Variants in ZSWIM6 observed in about 807,000 individuals in gnomAD.
The protein encoded by ZSWIM6 is zinc finger SWIM-type containing 6, also known as zinc finger SWIM domain-containing protein 6.
A neutral mutation model predicts 113.2 loss-of-function variants in ZSWIM6; 9 were observed. That is an observed-to-expected ratio of 0.08 (90% CI 0.05 to 0.14). The LOEUF (loss-of-function observed/expected upper bound fraction) is 0.14. Ranked by LOEUF, ZSWIM6 falls within the 10% of genes least tolerant of loss-of-function variation. The pLI is 1.00. For synonymous variants in ZSWIM6, 611 were observed against 606.5 expected (o/e 1.01, Z -0.11); for missense variants, 1,162 against 1,552.2 (o/e 0.75, Z 4.22).
rs1389523495 is a variant in ZSWIM6 at position 61,541,918 on chromosome 5, G to A, written c.2738G>A (p.Arg913Gln). ...MRMTLSTLNWRRREMVRWLVT... is the reference protein window; with the variant it reads ...MRMTLSTLNWQRREMVRWLVT... The stretch of plus-strand genomic sequence containing the variant: ...ATGACACTGTCAACCTTAAATTGGC[G>A]ACGGCGGGAGATGGTGAGGTGGCTG... Residue 913 changes from arginine to glutamine, a missense_variant, in exon 13 of 14, where the codon CGA (arginine) becomes CAA (glutamine). Physicochemically the swap from Arg to Gln is conservative, Grantham distance 43. Coordinates refer to ENST00000252744, the MANE Select transcript of ZSWIM6 (RefSeq NM_020928.2). The A allele has an allele frequency of 3.5e-5, 55 of 1,551,086 alleles. No individual in the cohort carries two copies. The highest frequency in any genetic ancestry group is 4.5e-5 in the Non-Finnish European group (52 of 1,146,302).
rs1363940041 is a variant in ZSWIM6 at position 61,543,974 on chromosome 5, C to T, written c.3305C>T (p.Thr1102Met). 15 of 1,551,702 alleles carry T rather than the reference C, an allele frequency of 9.7e-6. 1 individual carries two copies. The highest frequency in any genetic ancestry group is 3.3e-4 in the Middle Eastern group (2 of 6,014). ...GTGGTCAAGAGTGTCAAGTGTGCAA[C>T]GGTACTGTCAGACATTTTGCGCAGA... Reference protein sequence around the residue: ...PLVVKSVKCATVLSDILRRCT... With the variant: ...PLVVKSVKCAMVLSDILRRCT... Residue 1102 changes from threonine to methionine, a missense_variant, in exon 14 of 14, where the codon ACG becomes ATG. This residue lies in a region of ZSWIM6 where 113 missense variants were observed against 213.8 expected (regional missense o/e 0.53). Transcript: ENST00000252744. This position sits in a 1 kb window ranked among gnomAD's most constrained non-coding sequence, Gnocchi z 4.3.
At chr5:61,355,492 ACACACT>A in intron 1 of ZSWIM6, among the ~76,000 whole-genome samples, 1 of 130,398 alleles carries the variant, frequency 7.7e-6, no homozygotes, top group East Asian at 2.3e-4. Flanking sequence ...ACACACACAC[ACACACT>A]ATTAGATGGC....
At chr5:61,538,697 A>G (rs915804818) in intron 10 of ZSWIM6, 117 bp from the exon 11 acceptor site, 5 of 1,174,556 alleles carry the variant, frequency 4.3e-6, no homozygotes, top group Admixed American at 2.9e-5. Context: ...CCCTTGCTGA[A>G]CTTGAGTAGA....
At chr5:61,352,950 G>A (rs1317942559) in intron 1 of ZSWIM6, among the ~76,000 whole-genome samples, 1 of 152,150 alleles carries the variant, frequency 6.6e-6, no homozygotes, top group Admixed American at 6.5e-5. Flanking sequence ...GGTCATGGGG[G>A]CAAGGCACTG....
At chr5:61,493,462 A>C (rs1748234781) in intron 3 of ZSWIM6, among the ~76,000 whole-genome samples, 1 of 152,202 alleles carries the variant, frequency 6.6e-6, no homozygotes, top group Admixed American at 6.6e-5. Flanking sequence ...GTTCCTAAAA[A>C]AACTAAAGGC....
At chr5:61,456,619 A>T (rs1194532119) in intron 1 of ZSWIM6, among the ~76,000 whole-genome samples, 1 of 152,228 alleles carries the variant, frequency 6.6e-6, no homozygotes, top group Non-Finnish European at 1.5e-5. Flanking sequence ...GCATATGTAT[A>T]TAAAGGTAAC....
At chr5:61,501,038 G>A (rs1393940377) in intron 4 of ZSWIM6, among the ~76,000 whole-genome samples, 1 of 152,102 alleles carries the variant, frequency 6.6e-6, no homozygotes, top group Non-Finnish European at 1.5e-5. Context: ...AGAGTTTCCT[G>A]TAAATACAGA....
chr5:61,468,028 A>C (rs536005794), intron 1 of ZSWIM6, among the ~76,000 whole-genome samples: 1 of 152,336 alleles, frequency 6.6e-6, no homozygotes, highest in South Asian at 2.1e-4. Context: ...AAGGAAAGGG[A>C]AATAAAATTT....
At position 61,427,430 on chromosome 5, in the gene ZSWIM6, G is replaced by A. The variant is rs553056350; in HGVS notation, c.677-45251G>A. On this transcript the variant is annotated intron_variant, in intron 1 of 13. Coordinates refer to ENST00000252744, the MANE Select transcript of ZSWIM6 (RefSeq NM_020928.2). Reference sequence around the variant, plus strand: ...GAATTCAATGTAGTACTCTGTACATGGCAAATTCAAGTTTTACTTTTTGGA... The same window carrying A: ...GAATTCAATGTAGTACTCTGTACATAGCAAATTCAAGTTTTACTTTTTGGA... Among the ~76,000 whole-genome samples, 8 of 152,224 alleles carry A rather than the reference G, an allele frequency of 5.3e-5. No individual in the cohort carries two copies. In the East Asian group the frequency reaches 1.5e-3, roughly 29 times the overall value.
chr5:61,354,478 C>A (rs918419959), intron 1 of ZSWIM6, among the ~76,000 whole-genome samples: 22 of 152,080 alleles, frequency 1.4e-4, no homozygotes, highest in South Asian at 2.1e-4. Context: ...TAACTGTATG[C>A]CTTAGGTGTG....
rs192634265 is a variant in ZSWIM6 at position 61,357,750 on chromosome 5, T to G, written c.676+24802T>G. Among the ~76,000 whole-genome samples, 38 of 152,100 alleles carry G rather than the reference T, an allele frequency of 2.5e-4. No individual in the cohort carries two copies. The East Asian group carries it at 7.1e-3, about 29-fold the overall frequency. The stretch of plus-strand genomic sequence containing the variant: ...TCAGAATAGAAGACAGTCTTCTTAA[T>G]GGAATAATCATAGCTTTATGAAAAC... On this transcript the variant is annotated intron_variant, in intron 1 of 13. Transcript: ENST00000252744.
intron 1 of ZSWIM6, among the ~76,000 whole-genome samples, chr5:61,415,268 AT>A (rs1746223382): frequency 6.6e-6 from 1 of 152,182 alleles, no homozygotes; most frequent in South Asian, 2.1e-4. Context: ...AGGGAGTGTT[AT>A]TTTGATGTAT....
At chr5:61,354,223 TG>T in intron 1 of ZSWIM6, among the ~76,000 whole-genome samples, 1 of 152,220 alleles carries the variant, frequency 6.6e-6, no homozygotes. Context: ...TGGATCTACC[TG>T]TAGCATTTGC....
At chr5:61,382,815 A>AG (rs1745512486) in intron 1 of ZSWIM6, among the ~76,000 whole-genome samples, 1 of 137,598 alleles carries the variant, frequency 7.3e-6, no homozygotes, top group African/African-American at 2.5e-5. Context: ...AAAATAAAAA[A>AG]AAAAGAAAGA....
chr5:61,434,207 T>C (rs1204536359), intron 1 of ZSWIM6, among the ~76,000 whole-genome samples: 2 of 147,718 alleles, frequency 1.4e-5, no homozygotes, highest in African/African-American at 2.5e-5. Context: ...ATATGTATAA[T>C]ATATATAAAA....
At position 61,332,522 on chromosome 5, in the gene ZSWIM6, A is replaced by C; in HGVS notation, c.250A>C (p.Arg84=). 3.0e-6 allele frequency: 4 copies of C among 1,321,676 alleles called. No homozygotes were observed. Among genetic ancestry groups the C allele is most frequent in the Non-Finnish European group, 4.0e-6 (4 of 1,007,136 alleles). 81.9% of individuals were successfully genotyped at this position (1,321,676 alleles called of 1,614,324 possible). A position where few individuals can be genotyped will look rare whatever the true frequency, so the allele number is the denominator to read the frequency against. Residue 84 remains arginine, a synonymous_variant, in exon 1 of 14, where the codon AGG becomes CGG. Transcript: ENST00000252744. ...PESLLDIAAR[R]VAEKWPFQRV... is the part of the protein sequence containing the mutation. ...GTCGCTGCTGGACATCGCGGCGCGCAGGGTGGCGGAGAAGTGGCCGTTCCA... is the reference window on the plus strand; with the variant it reads ...GTCGCTGCTGGACATCGCGGCGCGCCGGGTGGCGGAGAAGTGGCCGTTCCA...
intron 1 of ZSWIM6, among the ~76,000 whole-genome samples, chr5:61,431,669 C>T (rs1174132190): frequency 2.0e-5 from 3 of 151,044 alleles, no homozygotes; most frequent in Non-Finnish European, 4.4e-5. Flanking sequence ...GGCCTGAACT[C>T]GGGAGGCGGA....
At chr5:61,336,102 A>G (rs1744387809) in intron 1 of ZSWIM6, among the ~76,000 whole-genome samples, 1 of 152,048 alleles carries the variant, frequency 6.6e-6, no homozygotes, top group Non-Finnish European at 1.5e-5. Flanking sequence ...GTCCCTACCA[A>G]AAATAGAAGA....
chr5:61,385,677 A>G (rs898353746), intron 1 of ZSWIM6, among the ~76,000 whole-genome samples: 5 of 152,164 alleles, frequency 3.3e-5, no homozygotes, highest in African/African-American at 1.2e-4. Context: ...TATAGCACAT[A>G]CTGTCTAACA....
Sources: gnomAD v4.1 joint callset for allele counts (sites outside exome capture counted in the v4.1 genomes callset) on GRCh38, gnomAD v4.1.1 for gene constraint, gnomAD v4.1.1 regional missense constraint, Gnocchi (gnomAD v3.1) non-coding constraint, MANE v1.5 for transcripts, NCBI Gene and HGNC (gene_info 2026-07-23, HGNC 2026-07-21) for gene names.